ABL1: variants seen among roughly 807,000 people sequenced by gnomAD.
ABL1 encodes the protein tyrosine-protein kinase ABL1.
ABL1 carries 11 observed loss-of-function variants against 94.7 expected under a neutral mutation model. The ratio of observed to expected loss-of-function variants is 0.12; its 90% CI spans 0.07 to 0.19. ABL1 has a LOEUF of 0.19. ABL1 is among the 10% of genes least tolerant of loss of function. The probability of loss-of-function intolerance (pLI) is 1.00; values close to 1 mark genes in which losing one functional copy is unlikely to be tolerated. For synonymous variants in ABL1, 656 were observed against 622.4 expected, an observed-to-expected ratio of 1.05 and a Z score of -0.80; for missense variants, 1,082 against 1,489.4, an observed-to-expected ratio of 0.73 and a Z score of 4.50.
chr9:130,802,878 C>A (rs1830074946), intron 1 of ABL1, among the ~76,000 whole-genome samples: 1 of 152,132 alleles, frequency 6.6e-6, no homozygotes, highest in Non-Finnish European at 1.5e-5. Context: ...TGGGTTTGAA[C>A]ACAAATGTGT....
chr9:130,844,194 T>A (rs796625372), intron 1 of ABL1, among the ~76,000 whole-genome samples: 76 of 152,170 alleles, frequency 5.0e-4, no homozygotes, highest in African/African-American at 1.7e-3. Context: ...GGTCTGCATT[T>A]GAGAAAGATG....
chr9:130,878,357 G>C (rs1831387645), intron 7 of ABL1, 58 bp from the exon 8 acceptor site: 3 of 1,589,698 alleles, frequency 1.9e-6, no homozygotes, highest in Middle Eastern at 1.7e-4. Context: ...GATTTTAAAT[G>C]TAGTGTAGTG....
rs547083737 is a variant in ABL1 at position 130,835,394 on chromosome 9, C to A, written c.-53C>A. ...GGCCGAGCCGGGCCTGAGCCGGGCCCGCGGACCGAGCTGGGAGAGGGGTTC... is the reference window on the plus strand; with the variant it reads ...GGCCGAGCCGGGCCTGAGCCGGGCCAGCGGACCGAGCTGGGAGAGGGGTTC... On this transcript the variant is annotated 5_prime_UTR_variant, in exon 1 of 11. Transcript: ENST00000318560. The surrounding 1 kb of genome is among the most constrained non-coding windows in gnomAD (Gnocchi z 4.6). 1.5e-6 allele frequency: 2 copies of A among 1,354,428 alleles called. No homozygotes were observed. The highest frequency in any genetic ancestry group is 3.2e-5 in the East Asian group (1 of 31,360). 83.9% of individuals were successfully genotyped at this position (1,354,428 alleles called of 1,614,324 possible).
At chr9:130,874,599 G>A (rs1588277703) in intron 6 of ABL1, among the ~76,000 whole-genome samples, 2 of 152,204 alleles carry the variant, frequency 1.3e-5, no homozygotes. Flanking sequence ...TTACGGATGA[G>A]GTAACTGAGT....
In ABL1 at chr9:130,877,555, C is replaced by A. The variant is rs773220692; in HGVS notation, c.1271-860C>A. Among the ~76,000 whole-genome samples the A allele has an allele frequency of 2.0e-4, 30 of 147,652 alleles. 4 individuals are homozygous for A. The highest frequency in any genetic ancestry group is 2.8e-4 in the Non-Finnish European group (19 of 67,184). On this transcript the variant is annotated intron_variant, in intron 7 of 10. Coordinates refer to ENST00000318560, the MANE Select transcript of ABL1 (RefSeq NM_005157.6). Reference sequence around the variant, plus strand: ...AAGATGGTCACATTACCTAAAAGACCCCACAGGGTCTGAAACTCATCATCT... The same window carrying A: ...AAGATGGTCACATTACCTAAAAGACACCACAGGGTCTGAAACTCATCATCT...
intron 1 of ABL1, among the ~76,000 whole-genome samples, chr9:130,729,603 G>A (rs1165724878): frequency 6.6e-6 from 1 of 152,148 alleles, no homozygotes; most frequent in Non-Finnish European, 1.5e-5. Context: ...GCCTTGCCTT[G>A]CCTTGCCTGT....
intron 1 of ABL1, among the ~76,000 whole-genome samples, chr9:130,761,256 T>C (rs746553025): frequency 3.3e-5 from 5 of 152,174 alleles, no homozygotes; most frequent in Non-Finnish European, 2.9e-5. Context: ...CGTGAGCCAC[T>C]GCGCCCGGCC....
Position 130,835,575 on chromosome 9 carries a change from T to G in ABL1, c.79+50T>G. The G allele has an allele frequency of 6.7e-7, 1 of 1,490,234 alleles. No individual in the cohort carries two copies. The highest frequency in any genetic ancestry group is 9.1e-7 in the Non-Finnish European group (1 of 1,095,502). 92.3% of individuals were successfully genotyped at this position (1,490,234 alleles called of 1,614,324 possible). On this transcript the variant is annotated intron_variant, in intron 1 of 10. Coordinates refer to ENST00000318560, the MANE Select transcript of ABL1 (RefSeq NM_005157.6). This position sits in a 1 kb window ranked among gnomAD's most constrained non-coding sequence, Gnocchi z 4.6. Reference sequence around the variant, plus strand: ...GCTGAGTAGCCGCGCGCCCTCCCGCTGCTGCTGGGCCCTTCCTAGGCCTCG... The same window carrying G: ...GCTGAGTAGCCGCGCGCCCTCCCGCGGCTGCTGGGCCCTTCCTAGGCCTCG...
chr9:130,807,890 G>T (rs1308523194), intron 1 of ABL1, among the ~76,000 whole-genome samples: 1 of 150,362 alleles, frequency 6.7e-6, no homozygotes, highest in Middle Eastern at 3.4e-3. Context: ...TTGAGATGGG[G>T]TTTCACCATG....
intron 1 of ABL1, among the ~76,000 whole-genome samples, chr9:130,838,279 C>G (rs1421366511): frequency 8.0e-6 from 1 of 124,914 alleles, no homozygotes; most frequent in Non-Finnish European, 1.7e-5. Flanking sequence ...ACTGATGTCT[C>G]TTTTGGAATT....
intron 1 of ABL1, among the ~76,000 whole-genome samples, chr9:130,760,726 G>C (rs553755558): frequency 6.8e-6 from 1 of 146,908 alleles, no homozygotes; most frequent in Non-Finnish European, 1.5e-5. Flanking sequence ...GCAGTGGCGC[G>C]ATCTCGGCTC....
intron 1 of ABL1, among the ~76,000 whole-genome samples, chr9:130,849,032 G>C (rs116492048): frequency 1.3e-5 from 2 of 151,926 alleles, no homozygotes; most frequent in Admixed American, 6.6e-5. Context: ...ATTCCTCCTC[G>C]TCTTCTATTT....
chr9:130,768,632 C>G (rs554863462), intron 1 of ABL1, among the ~76,000 whole-genome samples: 1 of 152,298 alleles, frequency 6.6e-6, no homozygotes, highest in Non-Finnish European at 1.5e-5. Context: ...TCTGTCTGAC[C>G]CTGTCTGCTG....
At chr9:130,721,904 C>T (rs1019579650) in intron 1 of ABL1, among the ~76,000 whole-genome samples, 3 of 149,808 alleles carry the variant, frequency 2.0e-5, no homozygotes, top group African/African-American at 7.3e-5. Flanking sequence ...TCATTGCAAC[C>T]TCCACCTCCC....
intron 4 of ABL1, among the ~76,000 whole-genome samples, chr9:130,870,253 CAGATG>C (rs1831230376): frequency 6.6e-6 from 1 of 152,180 alleles, no homozygotes; most frequent in Non-Finnish European, 1.5e-5. Flanking sequence ...GTAAGAGAGA[CAGATG>C]AGAAGAGGGC....
chr9:130,797,691 T>G (rs1829998650), intron 1 of ABL1, among the ~76,000 whole-genome samples: 1 of 152,244 alleles, frequency 6.6e-6, no homozygotes, highest in South Asian at 2.1e-4. Context: ...TATTAGGTGG[T>G]GACTCCATAC....
At chr9:130,727,711 G>A (rs1000779190) in intron 1 of ABL1, among the ~76,000 whole-genome samples, 46 of 147,720 alleles carry the variant, frequency 3.1e-4, no homozygotes, top group Middle Eastern at 3.5e-3. Context: ...AGCCGAGATC[G>A]CGCCATTGCA....
chr9:130,796,976 G>T (rs562823309), intron 1 of ABL1, among the ~76,000 whole-genome samples: 2 of 144,988 alleles, frequency 1.4e-5, no homozygotes, highest in South Asian at 2.2e-4. Flanking sequence ...AGTGGCTCAC[G>T]CCTGTAATCC....
intron 1 of ABL1, among the ~76,000 whole-genome samples, chr9:130,809,417 AGTGTGT>A (rs367661812): frequency 2.5e-4 from 21 of 84,306 alleles, no homozygotes; most frequent in East Asian, 9.2e-4. Flanking sequence ...AGAGAGAGAG[AGTGTGT>A]GTGTGTGTGT....
Sources: gnomAD v4.1 joint callset for allele counts (sites outside exome capture counted in the v4.1 genomes callset) on GRCh38, gnomAD v4.1.1 for gene constraint, Gnocchi (gnomAD v3.1) non-coding constraint, MANE v1.5 for transcripts, NCBI Gene and HGNC (gene_info 2026-07-23, HGNC 2026-07-21) for gene names.